TMEM217: variants seen among roughly 807,000 people sequenced by gnomAD.
The protein encoded by TMEM217 is chromosome 6 open reading frame 128.
For missense variants in TMEM217, 204 were observed against 248.8 expected (o/e 0.82, Z 1.21); for synonymous variants, 76 against 88.3 (o/e 0.86, Z 0.78).
intron 1 of TMEM217, among the ~76,000 whole-genome samples, chr6:37,231,620 C>G (rs556266055): frequency 2.0e-4 from 29 of 143,192 alleles, no homozygotes; most frequent in Non-Finnish European, 3.6e-4. Context: ...TGCGGTGAGC[C>G]GAGATTGCAC....
At chr6:37,230,639 A>G (rs990004201) in intron 1 of TMEM217, among the ~76,000 whole-genome samples, 1 of 152,138 alleles carries the variant, frequency 6.6e-6, no homozygotes, top group Non-Finnish European at 1.5e-5. Flanking sequence ...AAAGCCTCAA[A>G]AAAACCCCAA....
intron 1 of TMEM217, among the ~76,000 whole-genome samples, chr6:37,219,280 C>T (rs1274973419): frequency 6.6e-6 from 1 of 152,054 alleles, no homozygotes; most frequent in African/African-American, 2.4e-5. Context: ...GGTTCTCAAC[C>T]CTGGATCCAC....
chr6:37,212,464 T>C (rs918894416), exon 4 of TMEM217: 1 of 451,092 alleles, frequency 2.2e-6, no homozygotes, highest in Admixed American at 2.4e-5. Flanking sequence ...TAGTCATGAG[T>C]TCACTGCAAT....
chr6:37,235,830 C>A (rs1764473206), intron 1 of TMEM217, among the ~76,000 whole-genome samples: 1 of 152,140 alleles, frequency 6.6e-6, no homozygotes, highest in African/African-American at 2.4e-5. Context: ...TCCCTCTAGT[C>A]CTTTTATAAA....
At chr6:37,220,119 T>A (rs965127811) in intron 1 of TMEM217, among the ~76,000 whole-genome samples, 5 of 152,142 alleles carry the variant, frequency 3.3e-5, no homozygotes, top group African/African-American at 1.2e-4. Flanking sequence ...AGCGCGTAAG[T>A]CAATGAAACA....
At chr6:37,229,435 C>G (rs185654007) in intron 1 of TMEM217, among the ~76,000 whole-genome samples, 2 of 150,768 alleles carry the variant, frequency 1.3e-5, no homozygotes, top group African/African-American at 4.9e-5. Context: ...CTCCGCCTCC[C>G]GGGTTCACTC....
At chr6:37,240,396 G>A (rs1764706842) in intron 1 of TMEM217, among the ~76,000 whole-genome samples, 1 of 152,168 alleles carries the variant, frequency 6.6e-6, no homozygotes, top group South Asian at 2.1e-4. Flanking sequence ...TTTCTTGGCT[G>A]TTGGCCAGAG....
intron 1 of TMEM217, among the ~76,000 whole-genome samples, chr6:37,235,452 G>A (rs1015323963): frequency 3.3e-5 from 5 of 152,110 alleles, no homozygotes; most frequent in African/African-American, 1.2e-4. Context: ...TGCAAGCTCC[G>A]CCTCCCAGGT....
At chr6:37,248,909 A>G (rs1160218595) in intron 1 of TMEM217, among the ~76,000 whole-genome samples, 4 of 152,214 alleles carry the variant, frequency 2.6e-5, no homozygotes, top group Non-Finnish European at 4.4e-5. Flanking sequence ...AAGTAAACTC[A>G]TGCTTCAAAG....
Position 37,241,889 on chromosome 6 carries a change from C to T in TMEM217, c.-12+15679G>A, listed in dbSNP as rs896283958. ...CTTTGTATGTAACCGTGTAAATTTG[C>T]ACTGTAACTAAACACTAACACAAGA... On this transcript the variant is annotated intron_variant, in intron 1 of 1. Transcript: ENST00000357219. Among the ~76,000 whole-genome samples, 18 of 152,208 alleles carry T rather than the reference C, an allele frequency of 1.2e-4. No individual in the cohort carries two copies. The South Asian group carries it at 3.7e-3, about 32-fold the overall frequency.
chr6:37,224,686 C>T (rs561810640), intron 1 of TMEM217, among the ~76,000 whole-genome samples: 1 of 152,066 alleles, frequency 6.6e-6, no homozygotes, highest in South Asian at 2.1e-4. Flanking sequence ...AAACTCCTGG[C>T]CTCAAGTGAC....
chr6:37,244,878 C>T (rs535520574), intron 1 of TMEM217, among the ~76,000 whole-genome samples: 6 of 152,178 alleles, frequency 3.9e-5, no homozygotes, highest in African/African-American at 9.7e-5. Context: ...CTAATTCATA[C>T]GTCAAAGGCT....
intron 1 of TMEM217, among the ~76,000 whole-genome samples, chr6:37,229,335 G>GCTTTT (rs762059062): frequency 9.4e-5 from 7 of 74,370 alleles, no homozygotes; most frequent in African/African-American, 3.2e-4. Context: ...GCAACTTTCA[G>GCTTTT]TTTTTTTTTT....
intron 1 of TMEM217, among the ~76,000 whole-genome samples, chr6:37,229,361 G>C (rs1456490581): frequency 2.7e-4 from 1 of 3,694 alleles, no homozygotes; most frequent in East Asian, 5.4e-3. Context: ...TTTTTTTTTT[G>C]AGACAGTGTC....
chr6:37,224,491 G>A (rs939925897), intron 1 of TMEM217, among the ~76,000 whole-genome samples: 6 of 151,730 alleles, frequency 4.0e-5, no homozygotes, highest in Non-Finnish European at 8.8e-5. Flanking sequence ...CCAGCTACTC[G>A]GGAGGCTGAG....
chr6:37,220,181 T>C (rs1763427578), intron 1 of TMEM217, among the ~76,000 whole-genome samples: 1 of 152,182 alleles, frequency 6.6e-6, no homozygotes, highest in African/African-American at 2.4e-5. Flanking sequence ...GGCTGACATG[T>C]TGCCAAAAAG....
Position 37,246,110 on chromosome 6 carries a change from C to T in TMEM217, c.-12+11458G>A, listed in dbSNP as rs561485955. On this transcript the variant is annotated intron_variant, in intron 1 of 1. Coordinates refer to ENST00000357219, the Ensembl canonical transcript of TMEM217. ...AGCCACTGCGCCCGGCCAACAGGCT[C>T]TCATTTTCTTGACAGCTAAGTTTCT... 2.6e-4 allele frequency among the ~76,000 whole-genome samples: 39 copies of T among 152,284 alleles called. 1 individual carries two copies. The highest frequency in any genetic ancestry group is 3.4e-3 in the Middle Eastern group (1 of 294).
At chr6:37,212,651 G>A (rs1276448698), downstream of TMEM217, 2 of 558,306 alleles carry the variant, frequency 3.6e-6, no homozygotes, top group Admixed American at 4.4e-5. Flanking sequence ...ATCCCGTTGA[G>A]GAGCAGGACT....
chr6:37,214,027 C>T (rs2113795679), downstream of TMEM217, among the ~76,000 whole-genome samples: 1 of 152,318 alleles, frequency 6.6e-6, no homozygotes, highest in South Asian at 2.1e-4. Flanking sequence ...TCCTGTCCAG[C>T]CAGGCAGAGC....
Sources: allele counts gnomAD v4.1 joint callset (sites outside exome capture counted in the v4.1 genomes callset), GRCh38; gene constraint gnomAD v4.1.1; transcripts MANE v1.5; gene names NCBI Gene and HGNC (gene_info 2026-07-23, HGNC 2026-07-21).